Variants in DOCK3 observed in about 807,000 individuals in gnomAD.
DOCK3 encodes the protein dedicator of cytokinesis protein 3.
In DOCK3, 60 loss-of-function variants were observed where a neutral mutation model predicts 265.6. The ratio of observed to expected loss-of-function variants is 0.23; its 90% CI spans 0.18 to 0.28. The LOEUF is 0.28. Ranked by LOEUF, DOCK3 falls within the 10% of genes least tolerant of loss-of-function variation. The pLI, the probability that DOCK3 is intolerant of heterozygous loss-of-function variation, is 1.00. For missense variants in DOCK3, 1,981 were observed against 2,594.3 expected (o/e 0.76, Z 5.14); for synonymous variants, 881 against 938.0 (o/e 0.94, Z 1.11).
At chr3:51,171,445 G>A (rs931390425) in intron 12 of DOCK3, among the ~76,000 whole-genome samples, 2 of 151,880 alleles carry the variant, frequency 1.3e-5, no homozygotes, top group African/African-American at 4.8e-5. Context: ...GGCCAGGTGC[G>A]GTGGCTCACA....
At chr3:51,350,244 A>G (rs1197364550) in intron 39 of DOCK3, 44 bp from the exon 40 acceptor site, 1 of 1,551,906 alleles carries the variant, frequency 6.4e-7, no homozygotes, top group African/African-American at 1.4e-5. Context: ...TCCTTTGGAT[A>G]CCAACAGCAG....
intron 4 of DOCK3, among the ~76,000 whole-genome samples, chr3:50,927,872 A>C (rs2050847690): frequency 6.6e-6 from 1 of 152,036 alleles, no homozygotes; most frequent in African/African-American, 2.4e-5. Flanking sequence ...ATAATCCCAC[A>C]ATTGTCTGTA....
At chr3:50,802,442 C>T (rs966961641) in intron 2 of DOCK3, among the ~76,000 whole-genome samples, 2 of 152,078 alleles carry the variant, frequency 1.3e-5, no homozygotes, top group Non-Finnish European at 2.9e-5. Flanking sequence ...GTATTTCTTG[C>T]AAGATCAGTT....
At position 51,174,473 on chromosome 3, in the gene DOCK3, A is replaced by T. The variant is rs914374214; in HGVS notation, c.1037+13771A>T. ...CACAGAGCAAGACTCTTGTCTCAAAAATAAATAAATAAATAAATAAATAAA... is the reference window on the plus strand; with the variant it reads ...CACAGAGCAAGACTCTTGTCTCAAATATAAATAAATAAATAAATAAATAAA... On this transcript the variant is annotated intron_variant, in intron 12 of 52. Coordinates refer to ENST00000266037, the MANE Select transcript of DOCK3 (RefSeq NM_004947.5). Among the ~76,000 whole-genome samples the T allele has an allele frequency of 4.8e-5, 7 of 145,660 alleles. No homozygotes were observed. The South Asian group carries it at 9.0e-4, about 19-fold the overall frequency.
chr3:51,119,014 T>C (rs2083894980), intron 9 of DOCK3, among the ~76,000 whole-genome samples: 1 of 152,214 alleles, frequency 6.6e-6, no homozygotes, highest in African/African-American at 2.4e-5. Context: ...GAACCTGTCA[T>C]TATGATGCTA....
intron 5 of DOCK3, among the ~76,000 whole-genome samples, chr3:51,006,122 C>A (rs542378630): frequency 2.6e-5 from 4 of 152,152 alleles, no homozygotes; most frequent in Non-Finnish European, 4.4e-5. Context: ...AATACTCCCC[C>A]CTTAGTTATC....
chr3:50,970,625 A>G (rs189010378), intron 5 of DOCK3, among the ~76,000 whole-genome samples: 4 of 151,400 alleles, frequency 2.6e-5, no homozygotes, highest in Non-Finnish European at 5.9e-5. Context: ...TGGTTTTTCT[A>G]AAAAGTGTGT....
intron 27 of DOCK3, among the ~76,000 whole-genome samples, chr3:51,309,724 C>A (rs1289840187): frequency 2.0e-5 from 3 of 152,208 alleles, no homozygotes; most frequent in Non-Finnish European, 4.4e-5. Context: ...TGGATTGTCA[C>A]AAGCCTTTGG....
chr3:51,165,752 A>G (rs982171986), intron 12 of DOCK3, among the ~76,000 whole-genome samples: 26 of 152,298 alleles, frequency 1.7e-4, no homozygotes, highest in South Asian at 6.2e-4. Flanking sequence ...AGGCTTGTCC[A>G]TGTTGTCACA....
intron 37 of DOCK3, among the ~76,000 whole-genome samples, chr3:51,340,693 T>C (rs1374382737): frequency 6.6e-6 from 1 of 152,194 alleles, no homozygotes. Flanking sequence ...GTATGACTCA[T>C]CCCTTGGAAT....
At chr3:51,149,811 T>G (rs1041648629) in intron 10 of DOCK3, among the ~76,000 whole-genome samples, 1 of 152,146 alleles carries the variant, frequency 6.6e-6, no homozygotes, top group Non-Finnish European at 1.5e-5. Context: ...TTTTTGTTGT[T>G]GTGTCTCTGC....
At chr3:50,850,597 C>T (rs1389124126) in intron 3 of DOCK3, among the ~76,000 whole-genome samples, 2 of 152,180 alleles carry the variant, frequency 1.3e-5, no homozygotes, top group African/African-American at 2.4e-5. Flanking sequence ...GGTTCTTTCT[C>T]ATCTGGAGAC....
chr3:50,838,204 G>T lies in DOCK3; in HGVS notation c.122-3471G>T, dbSNP rs145260513. On this transcript the variant is annotated intron_variant, in intron 2 of 52. Transcript: ENST00000266037. ...AGTTGCAGCAAGTTACTGAGGAAGGGAAGAGCTGGTTTTTATAGGTAGAAG... is the reference window on the plus strand; with the variant it reads ...AGTTGCAGCAAGTTACTGAGGAAGGTAAGAGCTGGTTTTTATAGGTAGAAG... Among the ~76,000 whole-genome samples, 469 of 152,248 alleles carry T rather than the reference G, an allele frequency of 3.1e-3. 2 individuals carry two copies. Among genetic ancestry groups the T allele is most frequent in the Non-Finnish European group, 5.2e-3 (356 of 68,012 alleles).
intron 5 of DOCK3, among the ~76,000 whole-genome samples, chr3:51,023,336 G>A (rs1021708641): frequency 2.0e-5 from 3 of 150,224 alleles, no homozygotes; most frequent in African/African-American, 7.4e-5. Context: ...TTCGTCTATT[G>A]TTGAAACTTT....
intron 3 of DOCK3, among the ~76,000 whole-genome samples, chr3:50,860,253 C>G (rs567358246): frequency 1.3e-5 from 2 of 152,190 alleles, no homozygotes; most frequent in Non-Finnish European, 2.9e-5. Context: ...AGGGTCTTTT[C>G]TTCCTCTTTT....
intron 51 of DOCK3, among the ~76,000 whole-genome samples, chr3:51,378,748 C>T (rs1357032205): frequency 6.6e-6 from 1 of 152,228 alleles, no homozygotes; most frequent in Non-Finnish European, 1.5e-5. Flanking sequence ...CCTCTCTCCT[C>T]CTGAAAAGTC....
At position 51,277,589 on chromosome 3, in the gene DOCK3, C is replaced by T; in HGVS notation, c.2677-19C>T. ...CCTGGCTTGCTGCTAATGGTGTGCTCTCTTGCTGCTCGCTCCAGGAGGCAG... is the reference window on the plus strand; with the variant it reads ...CCTGGCTTGCTGCTAATGGTGTGCTTTCTTGCTGCTCGCTCCAGGAGGCAG... On this transcript the variant is annotated intron_variant, in intron 25 of 52. Transcript: ENST00000266037. 1 of 1,521,442 alleles carries T rather than the reference C, an allele frequency of 6.6e-7. No homozygotes were observed. Among genetic ancestry groups the T allele is most frequent in the East Asian group, 2.4e-5 (1 of 42,080 alleles). 94.2% of individuals were successfully genotyped at this position (1,521,442 alleles called of 1,614,324 possible). A position where few individuals can be genotyped will look rare whatever the true frequency, so the allele number is the denominator to read the frequency against.
At chr3:51,074,237 A>G (rs1185784332) in intron 6 of DOCK3, among the ~76,000 whole-genome samples, 1 of 152,236 alleles carries the variant, frequency 6.6e-6, no homozygotes, top group African/African-American at 2.4e-5. Context: ...AAAATTTATA[A>G]TGAACACACA....
chr3:51,131,300 G>C (rs2084523416), intron 9 of DOCK3, among the ~76,000 whole-genome samples: 2 of 152,110 alleles, frequency 1.3e-5, no homozygotes, highest in Non-Finnish European at 2.9e-5. Flanking sequence ...GGGTCCCCTG[G>C]AATCCACATC....
Sources: gnomAD v4.1 joint callset for allele counts (sites outside exome capture counted in the v4.1 genomes callset) on GRCh38, gnomAD v4.1.1 for gene constraint, MANE v1.5 for transcripts, NCBI Gene and HGNC (gene_info 2026-07-23, HGNC 2026-07-21) for gene names.